The following PDE4B variants were observed in gnomAD, a reference collection of about 807,000 sequenced individuals.
PDE4B encodes the protein phosphodiesterase 4B.
PDE4B carries 20 observed loss-of-function variants against 82.2 expected under a neutral mutation model. That is an observed-to-expected ratio of 0.24 (90% confidence interval 0.17 to 0.35). PDE4B has a LOEUF of 0.35. Ranked by LOEUF, PDE4B falls within the 10% of genes least tolerant of loss-of-function variation. The pLI is 1.00. For missense variants in PDE4B, 655 were observed against 907.2 expected (o/e 0.72, Z 3.57); for synonymous variants, 320 against 318.9 (o/e 1.00, Z -0.04).
intron 3 of PDE4B, among the ~76,000 whole-genome samples, chr1:66,000,378 C>CT (rs1339364766): frequency 6.6e-6 from 1 of 152,198 alleles, no homozygotes; most frequent in Non-Finnish European, 1.5e-5. Context: ...GCAATTTGAG[C>CT]TTTTAATAGG....
At chr1:66,104,744 G>T (rs1570244136) in intron 3 of PDE4B, among the ~76,000 whole-genome samples, 1 of 149,814 alleles carries the variant, frequency 6.7e-6, no homozygotes, top group Non-Finnish European at 1.5e-5. Context: ...CTTCTTTTGA[G>T]AAGTGTCTGT....
intron 6 of PDE4B, among the ~76,000 whole-genome samples, chr1:66,264,213 G>A (rs1654878901): frequency 6.6e-6 from 1 of 152,236 alleles, no homozygotes; most frequent in Non-Finnish European, 1.5e-5. Flanking sequence ...AATTATGAGA[G>A]ATAAGCTGGG....
chr1:66,022,035 G>C (rs895679096), intron 3 of PDE4B, among the ~76,000 whole-genome samples: 4 of 152,142 alleles, frequency 2.6e-5, no homozygotes, highest in Admixed American at 2.0e-4. Flanking sequence ...CACATCCCTT[G>C]TAAGTTGTAT....
intron 3 of PDE4B, among the ~76,000 whole-genome samples, chr1:65,940,700 T>C (rs985884249): frequency 1.3e-5 from 2 of 152,046 alleles, no homozygotes; most frequent in Admixed American, 1.3e-4. Context: ...AGGTTGATAG[T>C]GGTACCATTT....
chr1:66,106,117 A>G (rs908384156), intron 3 of PDE4B, among the ~76,000 whole-genome samples: 1 of 152,292 alleles, frequency 6.6e-6, no homozygotes, highest in East Asian at 1.9e-4. Flanking sequence ...ACATCCCATC[A>G]ATACCTAATT....
Position 66,113,126 on chromosome 1 carries a change from G to T in PDE4B, c.282-134334G>T, listed in dbSNP as rs1447705050. Among the ~76,000 whole-genome samples the T allele has an allele frequency of 5.9e-5, 9 of 152,214 alleles. No individual in the cohort carries two copies. The East Asian group carries it at 1.2e-3, about 20-fold the overall frequency. Reference sequence around the variant, plus strand: ...CAAGTGTGCGAATTGCATCCAAAAAGGTTAATCTGTTTACCCAACTAGAAC... The same window carrying T: ...CAAGTGTGCGAATTGCATCCAAAAATGTTAATCTGTTTACCCAACTAGAAC... On this transcript the variant is annotated intron_variant, in intron 3 of 16. Transcript: ENST00000341517.
intron 1 of PDE4B, among the ~76,000 whole-genome samples, chr1:65,824,047 C>T (rs1645986149): frequency 6.6e-6 from 1 of 152,186 alleles, no homozygotes; most frequent in Non-Finnish European, 1.5e-5. Context: ...ATCCTTCATT[C>T]TCACCCCCCA....
chr1:66,270,424 C>T (rs1655386395), intron 7 of PDE4B, among the ~76,000 whole-genome samples: 1 of 152,148 alleles, frequency 6.6e-6, no homozygotes, highest in Non-Finnish European at 1.5e-5. Flanking sequence ...AGGGTCTCTT[C>T]AAGTAGTGGA....
At chr1:66,200,867 A>C (rs569658549) in intron 3 of PDE4B, among the ~76,000 whole-genome samples, 1 of 152,296 alleles carries the variant, frequency 6.6e-6, no homozygotes, top group East Asian at 1.9e-4. Flanking sequence ...CCCTGGCCAG[A>C]ACTTCCAACA....
chr1:66,254,120 A>G (rs12041560), intron 4 of PDE4B, among the ~76,000 whole-genome samples: 32,342 of 152,180 alleles, frequency 0.21, 7,125 homozygotes, highest in African/African-American at 0.55. Flanking sequence ...TAGAAGATGC[A>G]CTTAAATCTA....
At chr1:66,224,277 G>C (rs374646336) in intron 3 of PDE4B, among the ~76,000 whole-genome samples, 2 of 152,030 alleles carry the variant, frequency 1.3e-5, no homozygotes, top group African/African-American at 4.8e-5. Context: ...TCTTTGCCAA[G>C]CTTAAATGTA....
intron 3 of PDE4B, among the ~76,000 whole-genome samples, chr1:65,960,164 G>A (rs1489487184): frequency 3.3e-5 from 5 of 152,144 alleles, no homozygotes; most frequent in African/African-American, 1.2e-4. Flanking sequence ...GGGGAACTGC[G>A]GGGGAGATTC....
At chr1:66,233,822 AT>A (rs372110124) in intron 3 of PDE4B, among the ~76,000 whole-genome samples, 8 of 151,340 alleles carry the variant, frequency 5.3e-5, no homozygotes, top group Admixed American at 2.6e-4. Flanking sequence ...AACTACATTG[AT>A]TTTTTTTTGT....
Position 65,865,881 on chromosome 1 carries a change from T to G in PDE4B, c.-70-47364T>G, listed in dbSNP as rs146751829. ...CCCTCTCTGATACAGTCTTTCTCTC[T>G]GTCTCCCTCTCTCCCTCCATCCCAA... On this transcript the variant is annotated intron_variant, in intron 1 of 16. Coordinates refer to ENST00000341517, the MANE Select transcript of PDE4B (RefSeq NM_002600.4). Among the ~76,000 whole-genome samples the G allele has an allele frequency of 5.1e-3, 771 of 152,274 alleles. 9 individuals are homozygous for G. The highest frequency in any genetic ancestry group is 0.017 in the African/African-American group (727 of 41,562).
intron 6 of PDE4B, among the ~76,000 whole-genome samples, chr1:66,261,703 T>A (rs1570578395): frequency 6.6e-6 from 1 of 152,206 alleles, no homozygotes; most frequent in African/African-American, 2.4e-5. Context: ...ATCTCAAAGT[T>A]CCTGTTGAGG....
At chr1:66,204,999 C>T (rs72922402) in intron 3 of PDE4B, among the ~76,000 whole-genome samples, 5,943 of 152,250 alleles carry the variant, frequency 0.039, 226 homozygotes, top group African/African-American at 0.1. Flanking sequence ...CCACCCTCTC[C>T]TGTGTTCTTA....
chr1:66,279,277 T>A (rs1656113566), intron 7 of PDE4B, among the ~76,000 whole-genome samples: 2 of 152,156 alleles, frequency 1.3e-5, no homozygotes, highest in African/African-American at 4.8e-5. Flanking sequence ...GTGTGTGCAC[T>A]CCTTAAGCTA....
intron 3 of PDE4B, among the ~76,000 whole-genome samples, chr1:66,180,497 C>G (rs1647040215): frequency 6.6e-6 from 1 of 152,078 alleles, no homozygotes; most frequent in African/African-American, 2.4e-5. Context: ...AGAAATAAAG[C>G]TCAAGTCAGG....
chr1:65,914,593 CT>C (rs1388346877), intron 2 of PDE4B, among the ~76,000 whole-genome samples: 5 of 139,494 alleles, frequency 3.6e-5, no homozygotes, highest in African/African-American at 1.1e-4. Flanking sequence ...ATTTAGAAAA[CT>C]TTTTTTCTTA....
Sources: allele counts gnomAD v4.1 joint callset (sites outside exome capture counted in the v4.1 genomes callset), GRCh38; gene constraint gnomAD v4.1.1; transcripts MANE v1.5; gene names NCBI Gene and HGNC (gene_info 2026-07-23, HGNC 2026-07-21).